Variants in PPARA observed in about 807,000 individuals in gnomAD.
The protein encoded by PPARA is peroxisome proliferator activated receptor alpha.
In PPARA, 22 loss-of-function variants were observed where a neutral mutation model predicts 42.2. The ratio of observed to expected loss-of-function variants is 0.52; its 90% CI spans 0.37 to 0.74. The LOEUF (loss-of-function observed/expected upper bound fraction) is 0.74. Ranked by LOEUF, PPARA falls within the 30% of genes least tolerant of loss-of-function variation. The pLI is 0.00. For synonymous variants in PPARA, 242 were observed against 239.3 expected (o/e 1.01, Z -0.10); for missense variants, 465 against 608.2 (o/e 0.76, Z 2.48).
rs970469159 is a variant in PPARA at position 46,205,194 on chromosome 22, C to T, written c.208+6603C>T. ...TTAATTTTGATGAAGTCCAATTTAT[C>T]AATGTCCTTTTTTTATGGATACTTC... On this transcript the variant is annotated intron_variant, in intron 4 of 8. Transcript: ENST00000407236. Among the ~76,000 whole-genome samples the T allele has an allele frequency of 2.0e-5, 3 of 151,076 alleles. No individual in the cohort carries two copies. In the Admixed American group the frequency reaches 2.0e-4, roughly 10 times the overall value.
rs1038002370 is a variant in PPARA at position 46,236,440 on chromosome 22, G to C, written c.*1060G>C. On this transcript the variant is annotated 3_prime_UTR_variant, in exon 9 of 9. Coordinates refer to ENST00000407236, the MANE Select transcript of PPARA (RefSeq NM_005036.6). The surrounding 1 kb of genome is among the most constrained non-coding windows in gnomAD (Gnocchi z 5.2). ...TGTCATAAGCTAGCACCCGTGGTAA[G>C]CGGGACGAGACAAGCTCCCGAAGCC... 6.6e-6 allele frequency: 1 copy of C among 152,646 alleles called. No homozygotes were observed. The highest frequency in any genetic ancestry group is 1.5e-5 in the Non-Finnish European group (1 of 68,052). 9.5% of individuals were successfully genotyped at this position (152,646 alleles called of 1,614,324 possible).
intron 3 of PPARA, among the ~76,000 whole-genome samples, chr22:46,194,430 G>A (rs898795158): frequency 6.6e-6 from 1 of 152,168 alleles, no homozygotes; most frequent in Non-Finnish European, 1.5e-5. Flanking sequence ...CTCCTGGCCA[G>A]AAGAGAGAAT....
chr22:46,172,649 C>T (rs957970115), intron 2 of PPARA, among the ~76,000 whole-genome samples: 4 of 152,256 alleles, frequency 2.6e-5, no homozygotes, highest in Non-Finnish European at 4.4e-5. Context: ...TCCGACCAAA[C>T]GATCGACAAA....
At chr22:46,207,677 A>ATTATTATT (rs1555951376) in intron 4 of PPARA, among the ~76,000 whole-genome samples, 1 of 50,724 alleles carries the variant, frequency 2.0e-5, no homozygotes, top group Non-Finnish European at 3.3e-5. Context: ...TATTATTATT[A>ATTATTATT]TTTTTTTTTT....
In PPARA at chr22:46,216,566, T is replaced by A. The variant is rs1934512110; in HGVS notation, c.369+1233T>A. Among the ~76,000 whole-genome samples the A allele has an allele frequency of 6.6e-6, 1 of 152,228 alleles. No individual in the cohort carries two copies. Among genetic ancestry groups the A allele is most frequent in the African/African-American group, 2.4e-5 (1 of 41,526 alleles). ...GAGACACAGAGTATCTTGCTTAGGG[T>A]CCCACAGCCCCCAGCAGCAGGGACT... On this transcript the variant is annotated intron_variant, in intron 5 of 8. Coordinates refer to ENST00000407236, the MANE Select transcript of PPARA (RefSeq NM_005036.6). This position sits in a 1 kb window ranked among gnomAD's most constrained non-coding sequence, Gnocchi z 4.5.
intron 3 of PPARA, among the ~76,000 whole-genome samples, chr22:46,177,057 A>G (rs4253670): frequency 0.064 from 9,789 of 152,056 alleles, 1,061 homozygotes; most frequent in African/African-American, 0.23. Flanking sequence ...ACAAATACAA[A>G]AAAATTAGCC....
At position 46,191,768 on chromosome 22, in the gene PPARA, G is replaced by A. The variant is rs558215911; in HGVS notation, c.-42-6574G>A. On this transcript the variant is annotated intron_variant, in intron 3 of 8. Transcript: ENST00000407236. This position sits in a 1 kb window ranked among gnomAD's most constrained non-coding sequence, Gnocchi z 4.6. ...CCCAAGAGCTCCTTCTGTGCAGATC[G>A]TTAGAAATAGATATTGAGGCCAGGC... Among the ~76,000 whole-genome samples the A allele has an allele frequency of 2.6e-5, 4 of 152,046 alleles. No individual in the cohort carries two copies. Among genetic ancestry groups the A allele is most frequent in the African/African-American group, 9.7e-5 (4 of 41,400 alleles).
At chr22:46,197,953 C>T (rs1474018313) in intron 3 of PPARA, among the ~76,000 whole-genome samples, 2 of 151,250 alleles carry the variant, frequency 1.3e-5, no homozygotes, top group African/African-American at 4.9e-5. Flanking sequence ...AACAAACAGC[C>T]GGACGCAGTG....
chr22:46,175,799 C>G lies in PPARA; in HGVS notation c.-126-954C>G, dbSNP rs570490870. On this transcript the variant is annotated intron_variant, in intron 2 of 8. Transcript: ENST00000407236. ...CAGGGTAATTCTCATGAGACTCATC[C>G]AGCTTGTTGGTGCATCAACAGTTTA... 2.0e-5 allele frequency among the ~76,000 whole-genome samples: 3 copies of G among 151,966 alleles called. No individual in the cohort carries two copies. The East Asian group carries it at 5.8e-4, about 29-fold the overall frequency.
chr22:46,214,485 C>T (rs888726040), intron 4 of PPARA, among the ~76,000 whole-genome samples: 1 of 140,238 alleles, frequency 7.1e-6, no homozygotes, highest in East Asian at 2.1e-4. Context: ...ATGGGCGAAT[C>T]GGAGATGCGC....
At chr22:46,155,915 G>T (rs1290018966) in intron 2 of PPARA, 2 of 152,222 alleles carry the variant, frequency 1.3e-5, no homozygotes, top group African/African-American at 4.8e-5. Context: ...CACCATGCAG[G>T]CATATTTTCC....
In PPARA at chr22:46,225,905, CTG is replaced by C. The variant is rs1326193253; in HGVS notation, c.712-5881_712-5880del. On this transcript the variant is annotated intron_variant, in intron 7 of 8. Transcript: ENST00000407236. The surrounding 1 kb of genome is among the most constrained non-coding windows in gnomAD (Gnocchi z 4.1). ...CGCACACTCACACATGTACCCACAC[CTG>C]TGTGTACACACACACATGCATGCTC... Among the ~76,000 whole-genome samples the C allele has an allele frequency of 4.0e-5, 6 of 148,366 alleles. No homozygotes were observed. The highest frequency in any genetic ancestry group is 2.1e-4 in the East Asian group (1 of 4,844).
At chr22:46,201,372 A>G (rs536050976) in intron 4 of PPARA, among the ~76,000 whole-genome samples, 53 of 152,200 alleles carry the variant, frequency 3.5e-4, no homozygotes, top group African/African-American at 1.2e-3. Context: ...ACCCTGACAG[A>G]CCTTTACAGG....
chr22:46,226,487 T>C (rs4253760), intron 7 of PPARA, among the ~76,000 whole-genome samples: 1 of 152,044 alleles, frequency 6.6e-6, no homozygotes, highest in Non-Finnish European at 1.5e-5. Context: ...CGTGCCGTGT[T>C]ATTTTTTCAA....
rs1183706652 is a variant in PPARA, at chr22:46,207,674, ATTATTT to A, written c.209-7496_209-7491del. ...TATTATTATTATTATTATTATTATT[ATTATTT>A]TTTTTTTTTTTTTTTTTTTTAGAGA... On this transcript the variant is annotated intron_variant, in intron 4 of 8. Coordinates refer to ENST00000407236, the MANE Select transcript of PPARA (RefSeq NM_005036.6). Among the ~76,000 whole-genome samples the A allele has an allele frequency of 2.6e-3, 159 of 61,610 alleles. 1 individual carries two copies. Among genetic ancestry groups the A allele is most frequent in the African/African-American group, 9.0e-3 (134 of 14,840 alleles). The allele number at this position is 61,610 out of a possible 152,430, so 40.4% of individuals were successfully genotyped here. A position where few individuals can be genotyped will look rare whatever the true frequency, so the allele number is the denominator to read the frequency against.
chr22:46,178,773 T>C (rs1484339669), intron 3 of PPARA, among the ~76,000 whole-genome samples: 3 of 152,050 alleles, frequency 2.0e-5, no homozygotes, highest in Admixed American at 2.0e-4. Context: ...AGTGCAGGGA[T>C]GTGAGTGTTT....
At chr22:46,208,547 CA>C (rs61164866) in intron 4 of PPARA, among the ~76,000 whole-genome samples, 29,638 of 105,482 alleles carry the variant, frequency 0.28, 3,111 homozygotes, top group Middle Eastern at 0.38. Flanking sequence ...GACTCCATCT[CA>C]AAAAAAAAAA....
At chr22:46,154,084 G>A (rs1205562547) in intron 2 of PPARA, among the ~76,000 whole-genome samples, 4 of 152,128 alleles carry the variant, frequency 2.6e-5, no homozygotes, top group Admixed American at 6.5e-5. Flanking sequence ...ATTTAATACA[G>A]TCATTCTATA....
rs1936438225 is a variant in PPARA at position 46,243,708 on chromosome 22, A to G, written c.*8328A>G. 1 of 152,454 alleles carries G rather than the reference A, an allele frequency of 6.6e-6. No homozygotes were observed. Among genetic ancestry groups the G allele is most frequent in the African/African-American group, 2.4e-5 (1 of 41,432 alleles). The allele number at this position is 152,454 out of a possible 1,614,324, so 9.4% of individuals were successfully genotyped here. A position where few individuals can be genotyped will look rare whatever the true frequency, so the allele number is the denominator to read the frequency against. On this transcript the variant is annotated 3_prime_UTR_variant, in exon 9 of 9. Coordinates refer to ENST00000407236, the MANE Select transcript of PPARA (RefSeq NM_005036.6). This position sits in a 1 kb window ranked among gnomAD's most constrained non-coding sequence, Gnocchi z 5.0. ...GAATGTACAGAGTTAATTTCAGGGT[A>G]CAGTTTTGCCTTAATGGTTTTAAAA...
Sources: gnomAD v4.1 joint callset for allele counts (sites outside exome capture counted in the v4.1 genomes callset) on GRCh38, gnomAD v4.1.1 for gene constraint, Gnocchi (gnomAD v3.1) non-coding constraint, MANE v1.5 for transcripts, NCBI Gene and HGNC (gene_info 2026-07-23, HGNC 2026-07-21) for gene names.